Variants in CSMD2 observed in about 807,000 individuals in gnomAD.
CSMD2 encodes the protein CUB and Sushi multiple domains 2, also known as CUB and sushi domain-containing protein 2.
CSMD2 carries 130 observed loss-of-function variants against 398.5 expected under a neutral mutation model. The ratio of observed to expected loss-of-function variants is 0.33; its 90% CI spans 0.28 to 0.38. The LOEUF is 0.38. Ranked by LOEUF, CSMD2 falls within the 10% of genes least tolerant of loss-of-function variation. The pLI is 1.00. For synonymous variants in CSMD2, 1,828 were observed against 1,908.5 expected (o/e 0.96, Z 1.10); for missense variants, 3,829 against 4,764.9 (o/e 0.80, Z 5.78).
intron 3 of CSMD2, among the ~76,000 whole-genome samples, chr1:33,971,153 C>T (rs1645748523): frequency 1.3e-5 from 2 of 152,228 alleles, no homozygotes; most frequent in South Asian, 4.1e-4. Flanking sequence ...GGATCTCCTT[C>T]AACGCTTCTG....
intron 24 of CSMD2, among the ~76,000 whole-genome samples, chr1:33,694,269 G>A (rs1204567827): frequency 1.3e-5 from 2 of 152,152 alleles, no homozygotes; most frequent in Non-Finnish European, 2.9e-5. Flanking sequence ...ACGGGGAGTG[G>A]CTGTTAATGG....
chr1:34,161,828 G>C (rs766666667), intron 1 of CSMD2, among the ~76,000 whole-genome samples: 1 of 152,026 alleles, frequency 6.6e-6, no homozygotes, highest in Non-Finnish European at 1.5e-5. Flanking sequence ...TTCTTGGCTT[G>C]TTTTGTGGTA....
chr1:33,805,841 T>C (rs1557923739), intron 10 of CSMD2, among the ~76,000 whole-genome samples: 1 of 151,726 alleles, frequency 6.6e-6, no homozygotes, highest in Non-Finnish European at 1.5e-5. Flanking sequence ...CATGGACTTC[T>C]AGCCTCCAGA....
Position 33,951,284 on chromosome 1 carries a change from G to A in CSMD2, c.518-15330C>T, listed in dbSNP as rs141219879. On this transcript the variant is annotated intron_variant, in intron 3 of 70. Coordinates refer to ENST00000373381, the MANE Select transcript of CSMD2 (RefSeq NM_001281956.2). Reference sequence around the variant, plus strand: ...CTGTCATCTGTTCAAGAGGCACATGGCTTACTGGAGCTGCTCATTCATTAA... The same window carrying A: ...CTGTCATCTGTTCAAGAGGCACATGACTTACTGGAGCTGCTCATTCATTAA... 7.0e-3 allele frequency among the ~76,000 whole-genome samples: 1,060 copies of A among 152,312 alleles called. 42 individuals carry two copies. The highest frequency in any genetic ancestry group is 0.063 in the Admixed American group (961 of 15,302).
intron 5 of CSMD2, among the ~76,000 whole-genome samples, chr1:33,905,362 C>CA (rs1356631656): frequency 6.6e-6 from 1 of 152,152 alleles, no homozygotes; most frequent in African/African-American, 2.4e-5. Context: ...ATAGGGTAAC[C>CA]AGCTACATGG....
At chr1:33,830,789 G>C (rs4369197) in intron 6 of CSMD2, among the ~76,000 whole-genome samples, 119,361 of 152,088 alleles carry the variant, frequency 0.78, 47,690 homozygotes, top group East Asian at 0.94. Flanking sequence ...TGTATAACTA[G>C]AATAACCAAT....
At chr1:34,005,523 A>G (rs1197021305) in intron 3 of CSMD2, among the ~76,000 whole-genome samples, 1 of 152,228 alleles carries the variant, frequency 6.6e-6, no homozygotes, top group African/African-American at 2.4e-5. Flanking sequence ...GACTAGGGCA[A>G]GGACATCATT....
At chr1:33,860,025 C>A (rs1639373183) in intron 5 of CSMD2, among the ~76,000 whole-genome samples, 1 of 152,098 alleles carries the variant, frequency 6.6e-6, no homozygotes, top group Non-Finnish European at 1.5e-5. Flanking sequence ...TACCCTTCAC[C>A]CCGATTCCCT....
At chr1:33,856,662 G>A (rs1259585945) in intron 5 of CSMD2, among the ~76,000 whole-genome samples, 1 of 152,114 alleles carries the variant, frequency 6.6e-6, no homozygotes, top group African/African-American at 2.4e-5. Flanking sequence ...TTAGGAGGCA[G>A]CTAGTGGTCC....
intron 3 of CSMD2, among the ~76,000 whole-genome samples, chr1:34,007,035 C>A (rs555240935): frequency 2.6e-5 from 4 of 152,100 alleles, no homozygotes; most frequent in African/African-American, 9.7e-5. Flanking sequence ...AGAGGCATGC[C>A]CTGTGAATGA....
At chr1:33,943,794 T>C (rs912871744) in intron 3 of CSMD2, among the ~76,000 whole-genome samples, 1 of 152,144 alleles carries the variant, frequency 6.6e-6, no homozygotes, top group African/African-American at 2.4e-5. Context: ...AACAGTGCTG[T>C]ATTCTTTATA....
intron 10 of CSMD2, among the ~76,000 whole-genome samples, chr1:33,804,588 C>T (rs979396945): frequency 4.0e-5 from 6 of 151,636 alleles, no homozygotes; most frequent in Non-Finnish European, 1.5e-5. Flanking sequence ...TTCACTCTTA[C>T]GTGCACACTC....
chr1:33,845,840 C>A (rs944026613), intron 6 of CSMD2, among the ~76,000 whole-genome samples: 1 of 152,252 alleles, frequency 6.6e-6, no homozygotes, highest in Non-Finnish European at 1.5e-5. Context: ...GAAAGCCTGG[C>A]CCTAGGAGCC....
rs557216985 is a variant in CSMD2, at chr1:33,757,703, A to G, written c.1847-14097T>C. 1.3e-4 allele frequency among the ~76,000 whole-genome samples: 20 copies of G among 152,220 alleles called. No homozygotes were observed. In the South Asian group the frequency reaches 3.5e-3, roughly 27 times the overall value. ...ATGTCCAAAATTGAACTCTTTATCT[A>G]TTTTCCTAAGCCTCCTTCATTCCTT... is the stretch of plus-strand genomic sequence containing the variant. On this transcript the variant is annotated intron_variant, in intron 13 of 70. Transcript: ENST00000373381.
rs11804345 is a variant in CSMD2, at chr1:33,584,791, G to A, written c.7052-961C>T. On this transcript the variant is annotated intron_variant, in intron 46 of 70. Transcript: ENST00000373381. ...ATGAAAACTGCATCTTGAACAGAAA[G>A]GTCTCAGAACTTGGCTGTGGCTTAA... is the stretch of plus-strand genomic sequence containing the variant. Among the ~76,000 whole-genome samples the A allele has an allele frequency of 5.8e-3, 879 of 151,338 alleles. 11 individuals carry two copies. The highest frequency in any genetic ancestry group is 0.02 in the African/African-American group (824 of 41,296).
At chr1:33,900,092 A>G (rs1436639201) in intron 5 of CSMD2, among the ~76,000 whole-genome samples, 1 of 152,220 alleles carries the variant, frequency 6.6e-6, no homozygotes, top group Non-Finnish European at 1.5e-5. Flanking sequence ...AAGCCCTTCC[A>G]GGTGCTGTAA....
chr1:34,027,071 TAAA>T (rs1178859660), intron 3 of CSMD2, among the ~76,000 whole-genome samples: 1 of 152,058 alleles, frequency 6.6e-6, no homozygotes, highest in African/African-American at 2.4e-5. Context: ...AAGGAAAAAT[TAAA>T]AAATTAAAAT....
intron 3 of CSMD2, among the ~76,000 whole-genome samples, chr1:33,938,170 A>G (rs1486087664): frequency 6.6e-6 from 1 of 152,252 alleles, no homozygotes; most frequent in East Asian, 1.9e-4. Flanking sequence ...ACCTGTGCCA[A>G]GTGAGATGAT....
At chr1:34,117,816 A>G (rs1309816354) in intron 1 of CSMD2, among the ~76,000 whole-genome samples, 1 of 152,234 alleles carries the variant, frequency 6.6e-6, no homozygotes, top group Non-Finnish European at 1.5e-5. Flanking sequence ...AATTTTGTTC[A>G]GCATATGAAA....
Sources: gnomAD v4.1 joint callset for allele counts (sites outside exome capture counted in the v4.1 genomes callset) on GRCh38, gnomAD v4.1.1 for gene constraint, MANE v1.5 for transcripts, NCBI Gene and HGNC (gene_info 2026-07-23, HGNC 2026-07-21) for gene names.